The following GTF2A1 variants were observed in gnomAD, a reference collection of about 807,000 sequenced individuals.
GTF2A1 encodes the protein general transcription factor IIA subunit 1, also known as transcription initiation factor IIA subunit 1.
Under a neutral mutation model 54.1 loss-of-function variants are expected in GTF2A1, and 12 were observed. That is an observed-to-expected ratio of 0.22 (90% confidence interval 0.14 to 0.36). GTF2A1 has a LOEUF of 0.36. Among genes scored for constraint, GTF2A1 ranks in the 10% least tolerant of loss-of-function variants. The pLI is 1.00. For missense variants in GTF2A1, 335 were observed against 442.2 expected (o/e 0.76, Z 2.17); for synonymous variants, 145 against 152.0 (o/e 0.95, Z 0.34).
intron 7 of GTF2A1, among the ~76,000 whole-genome samples, chr14:81,185,900 G>C (rs1339041678): frequency 6.6e-6 from 1 of 152,246 alleles, no homozygotes; most frequent in South Asian, 2.1e-4. Context: ...GTCTCGCTCT[G>C]TAGCCAGGCT....
chr14:81,201,403 C>T (rs77643161), intron 4 of GTF2A1, among the ~76,000 whole-genome samples, 191 bp downstream of exon 4: 63 of 152,200 alleles, frequency 4.1e-4, no homozygotes, highest in African/African-American at 7.9e-4. Flanking sequence ...TAAACAATTC[C>T]GTAATTTTAT....
chr14:81,187,910 C>G (rs1045121120), intron 7 of GTF2A1, among the ~76,000 whole-genome samples: 19 of 152,070 alleles, frequency 1.2e-4, no homozygotes, highest in Non-Finnish European at 2.5e-4. Flanking sequence ...AAACTGTTTC[C>G]CACAGCAGCT....
At chr14:81,206,376 C>T (rs983055145) in intron 2 of GTF2A1, among the ~76,000 whole-genome samples, 4 of 152,164 alleles carry the variant, frequency 2.6e-5, no homozygotes, top group Admixed American at 2.6e-4. Context: ...AATGTAGTGA[C>T]TCAACTCTTG....
At chr14:81,218,657 CCA>C (rs1342232108) in intron 1 of GTF2A1, among the ~76,000 whole-genome samples, 1 of 151,954 alleles carries the variant, frequency 6.6e-6, no homozygotes, top group Admixed American at 6.6e-5. Flanking sequence ...AATCAGAGGG[CCA>C]CTAGTGGCAT....
intron 3 of GTF2A1, among the ~76,000 whole-genome samples, chr14:81,202,132 A>C (rs1893126308): frequency 6.6e-6 from 1 of 152,138 alleles, no homozygotes; most frequent in African/African-American, 2.4e-5. Flanking sequence ...ATCAAAAAAA[A>C]AAAATTAAGT....
At chr14:81,191,074 A>G (rs1418858710) in intron 7 of GTF2A1, among the ~76,000 whole-genome samples, 2 of 152,206 alleles carry the variant, frequency 1.3e-5, no homozygotes, top group African/African-American at 4.8e-5. Flanking sequence ...AAACACAAAT[A>G]TCAAATAAAT....
rs1264640870 is a variant in GTF2A1 at position 81,176,422 on chromosome 14, T to C, written c.*3801A>G. On this transcript the variant is annotated 3_prime_UTR_variant, in exon 9 of 9. Transcript: ENST00000553612. ...ATTAGCCCCGCCCCCCAAGTCATAGTCCTGATGTAGACTGGACTGATTAAG... is the reference window on the plus strand; with the variant it reads ...ATTAGCCCCGCCCCCCAAGTCATAGCCCTGATGTAGACTGGACTGATTAAG... 1 of 152,148 alleles carries C rather than the reference T, an allele frequency of 6.6e-6. No homozygotes were observed. The highest frequency in any genetic ancestry group is 1.5e-5 in the Non-Finnish European group (1 of 68,014). 9.4% of individuals were successfully genotyped at this position (152,148 alleles called of 1,614,324 possible).
Position 81,176,689 on chromosome 14 carries a change from A to T in GTF2A1, c.*3534T>A, listed in dbSNP as rs80051679. ...AAAGCTATTTAACAAACTCATGAGG[A>T]AACAAGTAAAGCAACTATTTTTTAA... On this transcript the variant is annotated 3_prime_UTR_variant, in exon 9 of 9. Transcript: ENST00000553612. The T allele has an allele frequency of 2.6e-5, 4 of 152,148 alleles. No homozygotes were observed. In the East Asian group the frequency reaches 7.7e-4, roughly 29 times the overall value. The allele number at this position is 152,148 out of a possible 1,614,324, so 9.4% of individuals were successfully genotyped here. A position where few individuals can be genotyped will look rare whatever the true frequency, so the allele number is the denominator to read the frequency against.
At chr14:81,195,351 A>C (rs954240264) in intron 6 of GTF2A1, among the ~76,000 whole-genome samples, 3 of 151,596 alleles carry the variant, frequency 2.0e-5, no homozygotes, top group Non-Finnish European at 4.4e-5. Flanking sequence ...GAAAAAAAAA[A>C]GGCCGGGCGC....
At chr14:81,189,859 C>G (rs1441600263) in intron 7 of GTF2A1, among the ~76,000 whole-genome samples, 1 of 152,124 alleles carries the variant, frequency 6.6e-6, no homozygotes, top group African/African-American at 2.4e-5. Context: ...AAAAGATTCA[C>G]ACATCACACA....
chr14:81,206,878 A>G (rs1267997068), intron 2 of GTF2A1, among the ~76,000 whole-genome samples: 1 of 152,094 alleles, frequency 6.6e-6, no homozygotes, highest in Middle Eastern at 3.2e-3. Context: ...ACAAAATAGA[A>G]CTGAGAAAAA....
At chr14:81,184,379 A>C (rs1243363311) in intron 8 of GTF2A1, among the ~76,000 whole-genome samples, 4 of 152,176 alleles carry the variant, frequency 2.6e-5, no homozygotes, top group Non-Finnish European at 4.4e-5. Flanking sequence ...CTCTATGTGT[A>C]TCTAACAGGA....
At chr14:81,207,712 A>G (rs1484310104) in intron 2 of GTF2A1, among the ~76,000 whole-genome samples, 1 of 152,224 alleles carries the variant, frequency 6.6e-6, no homozygotes, top group Non-Finnish European at 1.5e-5. Context: ...TAGTGATATG[A>G]ACAATAAGGT....
upstream of GTF2A1, chr14:81,221,379 CGGA>C (rs3217336): frequency 0.39 from 59,948 of 151,942 alleles, 13,963 homozygotes; most frequent in Middle Eastern, 0.55. Context: ...GGAATGGCCG[CGGA>C]GGAGGACTGG....
At chr14:81,202,771 T>C (rs1345587399) in intron 3 of GTF2A1, 1 of 518,358 alleles carries the variant, frequency 1.9e-6, no homozygotes, top group Admixed American at 1.9e-5. Context: ...AAAATCAAAT[T>C]TTAATTTATG....
At position 81,180,342 on chromosome 14, in the gene GTF2A1, C is replaced by A. The variant is rs1283210964; in HGVS notation, c.1024-12G>T. The A allele has an allele frequency of 8.9e-7, 1 of 1,122,636 alleles. No individual in the cohort carries two copies. Among genetic ancestry groups the A allele is most frequent in the South Asian group, 1.3e-5 (1 of 75,136 alleles). The allele number at this position is 1,122,636 out of a possible 1,614,324, so 69.5% of individuals were successfully genotyped here. A position where few individuals can be genotyped will look rare whatever the true frequency, so the allele number is the denominator to read the frequency against. On this transcript the variant is annotated splice_polypyrimidine_tract_variant and intron_variant, in intron 8 of 8. Transcript: ENST00000553612. ...TTACTTCTGTGTATCTAAACAAAAA[C>A]AACATTTTAAAAATTGAGAGATACA...
intron 1 of GTF2A1, among the ~76,000 whole-genome samples, chr14:81,219,513 G>A (rs988993526): frequency 3.3e-5 from 5 of 152,192 alleles, no homozygotes; most frequent in Non-Finnish European, 5.9e-5. Context: ...CAAGGCTCAG[G>A]GACTGAAAAG....
intron 3 of GTF2A1, among the ~76,000 whole-genome samples, chr14:81,203,282 T>C (rs2140163020): frequency 6.6e-6 from 1 of 152,352 alleles, no homozygotes; most frequent in Middle Eastern, 3.4e-3. Flanking sequence ...CTATGAATAT[T>C]TGCTTTTTCT....
intron 7 of GTF2A1, among the ~76,000 whole-genome samples, chr14:81,187,579 T>C (rs1892777871): frequency 1.3e-5 from 2 of 152,216 alleles, no homozygotes; most frequent in South Asian, 4.1e-4. Flanking sequence ...GATTTGCCTA[T>C]TCTGGATATT....
Sources: gnomAD v4.1 joint callset for allele counts (sites outside exome capture counted in the v4.1 genomes callset) on GRCh38, gnomAD v4.1.1 for gene constraint, MANE v1.5 for transcripts, NCBI Gene and HGNC (gene_info 2026-07-23, HGNC 2026-07-21) for gene names.